The following SLC5A11 variants were observed in gnomAD, a reference collection of about 807,000 sequenced individuals.
SLC5A11 encodes the protein solute carrier family 5 member 11, also known as sodium/myo-inositol cotransporter 2.
SLC5A11 carries 48 observed loss-of-function variants against 69.8 expected under a neutral mutation model. The ratio of observed to expected loss-of-function variants is 0.69; its 90% CI spans 0.55 to 0.87. SLC5A11 has a LOEUF of 0.87. Among genes scored for constraint, SLC5A11 ranks in the 40% least tolerant of loss-of-function variants. The pLI is 0.00. For synonymous variants in SLC5A11, 319 were observed against 342.4 expected, an observed-to-expected ratio of 0.93 and a Z score of 0.75; for missense variants, 784 against 866.1, an observed-to-expected ratio of 0.91 and a Z score of 1.19.
chr16:24,880,600 C>G (rs547398851), intron 7 of SLC5A11, among the ~76,000 whole-genome samples: 44 of 152,302 alleles, frequency 2.9e-4, no homozygotes, highest in African/African-American at 1.1e-3. Flanking sequence ...TCCCAAAGTG[C>G]TGGGATTACA....
rs1182615959 is a variant in SLC5A11 at position 24,849,572 on chromosome 16, C to CAAAAA, written c.-25+3152_-25+3156dup. ...ACAGAGCGAGACTCTGCCTTGGGGG[C>CAAAAA]AAAAAAAAAAAAAAAAAAAAAATAT... is the stretch of plus-strand genomic sequence containing the variant. On this transcript the variant is annotated intron_variant, in intron 1 of 15. Transcript: ENST00000347898. 1.0e-3 allele frequency among the ~76,000 whole-genome samples: 40 copies of CAAAAA among 38,478 alleles called. 1 individual carries two copies. Among genetic ancestry groups the CAAAAA allele is most frequent in the African/African-American group, 3.3e-3 (28 of 8,512 alleles). The allele number at this position is 38,478 out of a possible 152,430, so 25.2% of individuals were successfully genotyped here.
intron 2 of SLC5A11, among the ~76,000 whole-genome samples, chr16:24,861,018 T>C (rs2059748989): frequency 6.6e-6 from 1 of 151,984 alleles, no homozygotes; most frequent in South Asian, 2.1e-4. Flanking sequence ...GTATTGTTAA[T>C]ATGCATTTAT....
chr16:24,902,249 C>CAGTT (rs1188654613), intron 10 of SLC5A11, among the ~76,000 whole-genome samples: 1 of 151,894 alleles, frequency 6.6e-6, no homozygotes, highest in Non-Finnish European at 1.5e-5. Context: ...GAGGAGGCAA[C>CAGTT]AGTTGACCCA....
At chr16:24,866,036 G>GA (rs1177462382) in intron 3 of SLC5A11, among the ~76,000 whole-genome samples, 3 of 148,962 alleles carry the variant, frequency 2.0e-5, no homozygotes, top group African/African-American at 7.5e-5. Flanking sequence ...AGTAATTTTA[G>GA]AAAATAGTAA....
chr16:24,893,639 C>T (rs906314351), intron 9 of SLC5A11, among the ~76,000 whole-genome samples: 2 of 152,048 alleles, frequency 1.3e-5, no homozygotes, highest in African/African-American at 2.4e-5. Flanking sequence ...AGTGCAATCT[C>T]GGCTCACTGC....
In SLC5A11 at chr16:24,872,054, C is replaced by G. The variant is rs1173078780; in HGVS notation, c.313-106C>G. 10 of 1,283,702 alleles carry G rather than the reference C, an allele frequency of 7.8e-6. No individual in the cohort carries two copies. The Admixed American group carries it at 1.3e-4, about 17-fold the overall frequency. 79.5% of individuals were successfully genotyped at this position (1,283,702 alleles called of 1,614,324 possible). On this transcript the variant is annotated intron_variant, in intron 4 of 15. Transcript: ENST00000347898. ...ACCACTCAGCGAGTAAGAGACTACA[C>G]CAGAGGTGGAGTTCAGGCCAGGCTG...
chr16:24,909,063 G>A, exon 14 of SLC5A11: 3 of 1,614,124 alleles, frequency 1.9e-6, no homozygotes, highest in Non-Finnish European at 2.5e-6. Flanking sequence ...TCTCCACCGT[G>A]AGCTGGTTCA....
intron 6 of SLC5A11, 49 bp from the exon 8 acceptor site, chr16:24,877,209 A>G (rs769527028): frequency 1.2e-6 from 2 of 1,603,470 alleles, no homozygotes; most frequent in East Asian, 2.2e-5. Flanking sequence ...ATGTCCACTC[A>G]TTCATTCATT....
At chr16:24,850,074 C>G (rs2059232468) in intron 1 of SLC5A11, among the ~76,000 whole-genome samples, 1 of 151,876 alleles carries the variant, frequency 6.6e-6, no homozygotes, top group Non-Finnish European at 1.5e-5. Flanking sequence ...AATAGCCAGG[C>G]CCACAGACAC....
chr16:24,878,251 A>G (rs1322455683), intron 7 of SLC5A11, among the ~76,000 whole-genome samples: 3 of 152,212 alleles, frequency 2.0e-5, no homozygotes, highest in African/African-American at 7.2e-5. Flanking sequence ...AGCACCTACT[A>G]ACTGCTGAGC....
At chr16:24,868,881 T>A (rs550725945) in intron 3 of SLC5A11, among the ~76,000 whole-genome samples, 10 of 150,960 alleles carry the variant, frequency 6.6e-5, no homozygotes, top group Admixed American at 6.6e-4. Context: ...TGCCTTTTTT[T>A]TTTTTTTTGA....
chr16:24,889,786 G>A (rs566921891), intron 8 of SLC5A11, among the ~76,000 whole-genome samples: 2 of 151,972 alleles, frequency 1.3e-5, no homozygotes, highest in East Asian at 1.9e-4. Context: ...GACCTCAGGC[G>A]ATTCGCCCAC....
intron 2 of SLC5A11, among the ~76,000 whole-genome samples, chr16:24,861,294 A>T (rs934899001): frequency 6.6e-6 from 1 of 152,042 alleles, no homozygotes; most frequent in Non-Finnish European, 1.5e-5. Context: ...CAGCCTGGCA[A>T]CATAGTAAGA....
chr16:24,887,772 A>C (rs2048484301), intron 8 of SLC5A11, among the ~76,000 whole-genome samples: 1 of 152,188 alleles, frequency 6.6e-6, no homozygotes, highest in Non-Finnish European at 1.5e-5. Context: ...ACAAAACTCA[A>C]GATTTATATT....
intron 15 of SLC5A11, 152 bp downstream of exon 16, chr16:24,910,629 T>A: frequency 1.2e-6 from 1 of 869,218 alleles, no homozygotes; most frequent in Non-Finnish European, 1.7e-6. Context: ...GTCCCCACGC[T>A]CCGGCCATGG....
chr16:24,903,236 T>C (rs111984814), intron 10 of SLC5A11, among the ~76,000 whole-genome samples: 44 of 152,162 alleles, frequency 2.9e-4, no homozygotes, highest in Non-Finnish European at 5.6e-4. Flanking sequence ...TTAATACAAA[T>C]TGTACATACT....
chr16:24,882,491 G>A (rs995591902), intron 7 of SLC5A11, among the ~76,000 whole-genome samples: 18 of 152,128 alleles, frequency 1.2e-4, no homozygotes, highest in Admixed American at 6.6e-5. Context: ...AAATTGTACA[G>A]TGACTGTGCC....
chr16:24,872,178 A>G, exon 5 of SLC5A11: 1 of 1,614,080 alleles, frequency 6.2e-7, no homozygotes, highest in South Asian at 1.1e-5. Flanking sequence ...TTCTGTGCTG[A>G]TGTTGGCCTG....
intron 1 of SLC5A11, among the ~76,000 whole-genome samples, chr16:24,850,167 C>T (rs2059238971): frequency 6.6e-6 from 1 of 152,168 alleles, no homozygotes; most frequent in African/African-American, 2.4e-5. Flanking sequence ...CCAAGCTGGG[C>T]TCAAACTCCC....
Sources: allele counts gnomAD v4.1 joint callset (sites outside exome capture counted in the v4.1 genomes callset), GRCh38; gene constraint gnomAD v4.1.1; transcripts MANE v1.5; gene names NCBI Gene and HGNC (gene_info 2026-07-23, HGNC 2026-07-21).